Variants in ADAMTS5 observed in about 807,000 individuals in gnomAD.
ADAMTS5 encodes A disintegrin and metalloproteinase with thrombospondin motifs 5.
ADAMTS5 carries 54 observed loss-of-function variants against 81.4 expected under a neutral mutation model. The ratio of observed to expected loss-of-function variants is 0.66; its 90% CI spans 0.53 to 0.83. The LOEUF is 0.83. ADAMTS5 is among the 40% of genes least tolerant of loss of function. ADAMTS5 has a pLI of 0.00. For missense variants in ADAMTS5, 1,194 were observed against 1,229.9 expected (o/e 0.97, Z 0.44); for synonymous variants, 532 against 508.8 (o/e 1.05, Z -0.61).
chr21:26,932,765 GATTAAT>G (rs1986936021), intron 5 of ADAMTS5, 90 bp downstream of exon 5: 3 of 1,358,294 alleles, frequency 2.2e-6, no homozygotes, highest in African/African-American at 1.5e-5. Flanking sequence ...TGCAGTATAA[GATTAAT>G]ATTATTTCCC....
At position 26,919,031 on chromosome 21, in the gene ADAMTS5, G is replaced by A. The variant is rs902589118; in HGVS notation, c.*5022C>T. The A allele has an allele frequency of 2.6e-5, 4 of 151,864 alleles. No individual in the cohort carries two copies. Among genetic ancestry groups the A allele is most frequent in the African/African-American group, 9.7e-5 (4 of 41,376 alleles). The allele number at this position is 151,864 out of a possible 1,614,324, so 9.4% of individuals were successfully genotyped here. ...TTTTTCAAATTTTGAGTATCAAGTTGTGCCCTACCGTGACACAAAGCTTAG... is the reference window on the plus strand; with the variant it reads ...TTTTTCAAATTTTGAGTATCAAGTTATGCCCTACCGTGACACAAAGCTTAG... On this transcript the variant is annotated 3_prime_UTR_variant, in exon 8 of 8. Coordinates refer to ENST00000284987, the MANE Select transcript of ADAMTS5 (RefSeq NM_007038.5).
chr21:26,924,166 CTG>C lies in ADAMTS5; in HGVS notation c.2678_2679del (p.Thr893ArgfsTer30). The C allele has an allele frequency of 3.1e-6, 5 of 1,614,174 alleles. No homozygotes were observed. Among genetic ancestry groups the C allele is most frequent in the Non-Finnish European group, 4.2e-6 (5 of 1,180,000 alleles). ...PWLACSRTCD[T>X]GWHTRTVQCQ... ...CACTGCACCGTTCTGGTGTGCCAAC[CTG>C]TGTCACAGGTCCTAGAGCAGGCGAG... On this transcript the variant is annotated frameshift_variant, in exon 8 of 8. Transcript: ENST00000284987. LOFTEE classifies it high-confidence loss of function.
chr21:26,954,625 C>T, intron 2 of ADAMTS5, 114 bp downstream of exon 2: 1 of 1,463,788 alleles, frequency 6.8e-7, no homozygotes, highest in African/African-American at 1.4e-5. Context: ...ATTTAATTCC[C>T]AGTGGTACAT....
chr21:26,939,927 C>T (rs1194621362), intron 3 of ADAMTS5, among the ~76,000 whole-genome samples: 2 of 152,202 alleles, frequency 1.3e-5, no homozygotes, highest in Non-Finnish European at 2.9e-5. Flanking sequence ...TCCCATGAGA[C>T]ATGGCTTCTC....
chr21:26,925,413 G>A (rs962293822), intron 7 of ADAMTS5, among the ~76,000 whole-genome samples: 2 of 152,060 alleles, frequency 1.3e-5, no homozygotes, highest in Non-Finnish European at 2.9e-5. Context: ...CATAAGATAC[G>A]ATAGATTGAG....
At chr21:26,953,438 C>T (rs1987359073) in intron 2 of ADAMTS5, among the ~76,000 whole-genome samples, 1 of 152,156 alleles carries the variant, frequency 6.6e-6, no homozygotes, top group African/African-American at 2.4e-5. Flanking sequence ...CATTTAACTA[C>T]TGAATTCTGT....
At chr21:26,948,916 G>A (rs1237761378) in intron 2 of ADAMTS5, among the ~76,000 whole-genome samples, 1 of 152,096 alleles carries the variant, frequency 6.6e-6, no homozygotes, top group African/African-American at 2.4e-5. Flanking sequence ...GGTTTAGAAA[G>A]TACCCTGTGT....
At chr21:26,964,043 T>C (rs998405710) in intron 1 of ADAMTS5, among the ~76,000 whole-genome samples, 2 of 152,232 alleles carry the variant, frequency 1.3e-5, no homozygotes, top group South Asian at 2.1e-4. Context: ...TGTGTGATTC[T>C]AAAGTCTGCA....
At chr21:26,958,411 T>C (rs565370223) in intron 1 of ADAMTS5, among the ~76,000 whole-genome samples, 28 of 152,282 alleles carry the variant, frequency 1.8e-4, no homozygotes, top group African/African-American at 6.3e-4. Context: ...GATCTGATTC[T>C]TGATTCTTGA....
chr21:26,947,089 G>A (rs1031791799), intron 2 of ADAMTS5, among the ~76,000 whole-genome samples: 1 of 152,200 alleles, frequency 6.6e-6, no homozygotes, highest in East Asian at 1.9e-4. Context: ...AAGAATTAGT[G>A]TTTGTGTTTA....
rs549253864 is a variant in ADAMTS5 at position 26,928,516 on chromosome 21, A to C, written c.2225+1370T>G. ...ACTGGTTTATAACTTTATATAGAAG[A>C]GAATATGTACCATAAAGTGTATAAG... On this transcript the variant is annotated intron_variant, in intron 7 of 7. Coordinates refer to ENST00000284987, the MANE Select transcript of ADAMTS5 (RefSeq NM_007038.5). Among the ~76,000 whole-genome samples, 93 of 152,338 alleles carry C rather than the reference A, an allele frequency of 6.1e-4. 1 individual carries two copies. The highest frequency in any genetic ancestry group is 2.2e-3 in the African/African-American group (92 of 41,574).
At chr21:26,940,001 A>G (rs1018082103) in intron 3 of ADAMTS5, among the ~76,000 whole-genome samples, 1 of 152,238 alleles carries the variant, frequency 6.6e-6, no homozygotes, top group African/African-American at 2.4e-5. Flanking sequence ...TTTTTCAACC[A>G]TAACCTAATT....
chr21:26,966,527 G>A lies in ADAMTS5; in HGVS notation c.-136C>T. 1 of 882,438 alleles carries A rather than the reference G, an allele frequency of 1.1e-6. No homozygotes were observed. The highest frequency in any genetic ancestry group is 1.8e-5 in the African/African-American group (1 of 56,030). The allele number at this position is 882,438 out of a possible 1,614,324, so 54.7% of individuals were successfully genotyped here. On this transcript the variant is annotated 5_prime_UTR_variant, in exon 1 of 8. Coordinates refer to ENST00000284987, the MANE Select transcript of ADAMTS5 (RefSeq NM_007038.5). ...GATTGAGTCAAGTGTCGGAGGGAGG[G>A]GGGCCCGGCAGCAGCGCCAGCCTGT...
intron 7 of ADAMTS5, among the ~76,000 whole-genome samples, chr21:26,928,681 T>TTTTCTTTCTTTCTCTCTCTCTC (rs1264096900): frequency 6.6e-6 from 1 of 151,230 alleles, no homozygotes; most frequent in Non-Finnish European, 1.5e-5. Flanking sequence ...CTTTCTTTCT[T>TTTTCTTTCTTTCTCTCTCTCTC]TTTCTTTCTT....
chr21:26,965,908 G>T lies in ADAMTS5; in HGVS notation c.484C>A (p.Arg162Ser), dbSNP rs551411133. 6.8e-6 allele frequency: 11 copies of T among 1,613,884 alleles called. No individual in the cohort carries two copies. The East Asian group carries it at 2.2e-4, about 33-fold the overall frequency. ...LDGFFAVKHA[R>S]YTLKPLLRGP... ...CGCAGCAGTGGCTTTAGGGTGTAGC[G>T]CGCGTGCTTGACCGCGAAGAAGCCG... Residue 162 changes from arginine (R) to serine (S), a missense_variant, in exon 1 of 8, where the codon CGC (arginine) becomes AGC (serine). Around this residue, in one of 2 missense-constraint regions of ADAMTS5, gnomAD observed 498 missense variants for 412.3 expected, o/e 1.21. Coordinates refer to ENST00000284987, the MANE Select transcript of ADAMTS5 (RefSeq NM_007038.5).
In ADAMTS5 at chr21:26,931,996, G is replaced by T; in HGVS notation, c.2049+8C>A. ...CCTACTGCTTCTGGACAGTTGGTGT[G>T]TAGTTACCTTTGGAGAAAATACCAC... On this transcript the variant is annotated splice_region_variant and intron_variant, in intron 6 of 7. Coordinates refer to ENST00000284987, the MANE Select transcript of ADAMTS5 (RefSeq NM_007038.5). 1 of 1,609,848 alleles carries T rather than the reference G, an allele frequency of 6.2e-7. No homozygotes were observed. The highest frequency in any genetic ancestry group is 1.3e-5 in the African/African-American group (1 of 74,970).
intron 7 of ADAMTS5, among the ~76,000 whole-genome samples, chr21:26,925,176 T>C (rs2123164500): frequency 6.6e-6 from 1 of 152,306 alleles, no homozygotes; most frequent in Middle Eastern, 3.4e-3. Context: ...TTGAAACTTC[T>C]CACATTGTTC....
intron 7 of ADAMTS5, among the ~76,000 whole-genome samples, chr21:26,927,950 T>C (rs1276852013): frequency 1.3e-5 from 2 of 152,000 alleles, no homozygotes; most frequent in African/African-American, 2.4e-5. Context: ...GAACCATGCC[T>C]CCAAAGTTTT....
chr21:26,922,917 A>T lies in ADAMTS5; in HGVS notation c.*1136T>A, dbSNP rs1020428399. The T allele has an allele frequency of 6.6e-6, 1 of 152,620 alleles. No individual in the cohort carries two copies. The highest frequency in any genetic ancestry group is 2.4e-5 in the African/African-American group (1 of 41,458). 9.5% of individuals were successfully genotyped at this position (152,620 alleles called of 1,614,324 possible). A position where few individuals can be genotyped will look rare whatever the true frequency, so the allele number is the denominator to read the frequency against. ...ATGATAACCACTTCTCAATGTGGCT[A>T]ACTACCAAGTGATCTTTAATGTTTC... On this transcript the variant is annotated 3_prime_UTR_variant, in exon 8 of 8. Transcript: ENST00000284987.
Sources: allele counts gnomAD v4.1 joint callset (sites outside exome capture counted in the v4.1 genomes callset), GRCh38; gene constraint gnomAD v4.1.1; regional missense constraint gnomAD v4.1.1; transcripts MANE v1.5; gene names NCBI Gene and HGNC (gene_info 2026-07-23, HGNC 2026-07-21).